RBM27: variants seen among roughly 807,000 people sequenced by gnomAD.
RBM27 encodes RNA-binding protein 27.
RBM27 carries 22 observed loss-of-function variants against 135.3 expected under a neutral mutation model. That is an observed-to-expected ratio of 0.16 (90% confidence interval 0.12 to 0.23). The LOEUF (loss-of-function observed/expected upper bound fraction) is 0.23, where lower values mean the gene tolerates loss of function less well. RBM27 is among the 10% of genes least tolerant of loss of function. The probability of loss-of-function intolerance (pLI) is 1.00; values close to 1 mark genes in which losing one functional copy is unlikely to be tolerated. For missense variants in RBM27, 1,009 were observed against 1,281.0 expected (o/e 0.79, Z 3.24); for synonymous variants, 481 against 442.4 (o/e 1.09, Z -1.10).
At chr5:146,249,853 G>A (rs898820498) in intron 8 of RBM27, among the ~76,000 whole-genome samples, 10 of 151,460 alleles carry the variant, frequency 6.6e-5, no homozygotes, top group East Asian at 1.9e-4. Flanking sequence ...GGTTTTTTAC[G>A]TAGGTAAATG....
chr5:146,283,610 G>A (rs1437333212), intron 19 of RBM27, among the ~76,000 whole-genome samples: 1 of 152,150 alleles, frequency 6.6e-6, no homozygotes, highest in Non-Finnish European at 1.5e-5. Flanking sequence ...TATGTCCCAT[G>A]AGTCATAATG....
At position 146,267,768 on chromosome 5, in the gene RBM27, G is replaced by C; in HGVS notation, c.2451G>C (p.Gln817His). Residue 817 changes from glutamine (Q) to histidine (H), a missense_variant and splice_region_variant, in exon 15 of 21, where the codon CAG becomes CAC. Transcript: ENST00000265271. Reference sequence around the variant, plus strand: ...TTCAAGAAGTGCTTAAAAAAAAACAGGTAACAGTCTTGATTCTTCTTGCCT... The same window carrying C: ...TTCAAGAAGTGCTTAAAAAAAAACACGTAACAGTCTTGATTCTTCTTGCCT... ...HDVQEVLKKK[Q>H]EAMKLQQDMR... 6.3e-7 allele frequency: 1 copy of C among 1,599,410 alleles called. No individual in the cohort carries two copies. The highest frequency in any genetic ancestry group is 8.5e-7 in the Non-Finnish European group (1 of 1,175,648).
At chr5:146,233,240 G>A (rs999367395) in intron 6 of RBM27, among the ~76,000 whole-genome samples, 1 of 152,132 alleles carries the variant, frequency 6.6e-6, no homozygotes, top group African/African-American at 2.4e-5. Context: ...TTCTCAACAA[G>A]TCATAGTATC....
chr5:146,246,750 A>G (rs1017631656), intron 8 of RBM27, among the ~76,000 whole-genome samples: 2 of 152,190 alleles, frequency 1.3e-5, no homozygotes, highest in East Asian at 3.8e-4. Flanking sequence ...ATAAAAGTAG[A>G]CTGTGTAATG....
At chr5:146,272,664 G>A (rs1758919593) in intron 19 of RBM27, among the ~76,000 whole-genome samples, 3 of 151,646 alleles carry the variant, frequency 2.0e-5, no homozygotes, top group Non-Finnish European at 4.4e-5. Context: ...AGAGGTTGCA[G>A]TGAGCTGAGA....
intron 1 of RBM27, among the ~76,000 whole-genome samples, chr5:146,210,127 G>A (rs937443055): frequency 6.6e-6 from 1 of 152,146 alleles, no homozygotes; most frequent in Non-Finnish European, 1.5e-5. Flanking sequence ...TGGGCGTGCA[G>A]GGCAAGGTCT....
At chr5:146,259,917 GAGCCGAGATTGCGCCACTGCAGTCCGC>G (rs1478052932) in intron 11 of RBM27, among the ~76,000 whole-genome samples, 1 of 144,022 alleles carries the variant, frequency 6.9e-6, no homozygotes, top group African/African-American at 2.6e-5. Context: ...AGCTTGCAGT[GAGCCGAGATTGCGCCACTGCAGTCCGC>G]AGTCCGGCCT....
chr5:146,235,396 A>G (rs1410624552), intron 7 of RBM27, among the ~76,000 whole-genome samples: 2 of 151,994 alleles, frequency 1.3e-5, no homozygotes, highest in African/African-American at 2.4e-5. Flanking sequence ...CCTTTACAAA[A>G]AATACAAAAA....
intron 9 of RBM27, 142 bp from the exon 10 acceptor site, chr5:146,254,799 TCA>T (rs1758038442): frequency 1.0e-5 from 7 of 689,954 alleles, no homozygotes; most frequent in Non-Finnish European, 2.3e-6. Flanking sequence ...AACCAGTCCC[TCA>T]CAGATACTGA....
intron 2 of RBM27, among the ~76,000 whole-genome samples, chr5:146,222,968 G>C (rs12187277): frequency 0.38 from 57,481 of 151,922 alleles, 11,422 homozygotes; most frequent in African/African-American, 0.48. Flanking sequence ...TTCCCACCTA[G>C]AGTACACAAT....
chr5:146,268,154 C>A (rs974983652), intron 15 of RBM27, among the ~76,000 whole-genome samples: 3 of 151,894 alleles, frequency 2.0e-5, no homozygotes, highest in Non-Finnish European at 4.4e-5. Flanking sequence ...TTTATATGTA[C>A]TATCTCAGTA....
chr5:146,268,664 C>G (rs1273320599), intron 15 of RBM27, among the ~76,000 whole-genome samples: 1 of 152,112 alleles, frequency 6.6e-6, no homozygotes, highest in East Asian at 1.9e-4. Context: ...CCCAGTGCAG[C>G]CTTGATGTCC....
chr5:146,262,677 C>A (rs903005043), intron 13 of RBM27, among the ~76,000 whole-genome samples: 1 of 152,160 alleles, frequency 6.6e-6, no homozygotes, highest in African/African-American at 2.4e-5. Flanking sequence ...TTGTATCCCA[C>A]TTCATGTAAG....
At chr5:146,236,495 A>G (rs1757165506) in intron 7 of RBM27, among the ~76,000 whole-genome samples, 1 of 152,200 alleles carries the variant, frequency 6.6e-6, no homozygotes, top group African/African-American at 2.4e-5. Context: ...CTCTTCTAGA[A>G]CAAGTAATGT....
At chr5:146,251,957 C>A in intron 9 of RBM27, 82 bp downstream of exon 9, 1 of 1,408,616 alleles carries the variant, frequency 7.1e-7, no homozygotes, top group South Asian at 1.2e-5. Flanking sequence ...ACCTGGCATC[C>A]TGATCTGCTG....
chr5:146,271,375 A>C (rs900655451), intron 18 of RBM27, 108 bp from the exon 19 acceptor site: 10 of 1,040,198 alleles, frequency 9.6e-6, no homozygotes, highest in African/African-American at 1.6e-5. Context: ...ACTCGAGCCT[A>C]GGCAACGAGA....
At chr5:146,282,525 T>C (rs1254326333) in intron 19 of RBM27, among the ~76,000 whole-genome samples, 1 of 152,246 alleles carries the variant, frequency 6.6e-6, no homozygotes, top group Non-Finnish European at 1.5e-5. Context: ...ACTGAGCATG[T>C]ACATTTTTTG....
chr5:146,219,042 C>G lies in RBM27; in HGVS notation c.117C>G (p.Asp39Glu). Reference sequence around the variant, plus strand: ...ATGTTGTAGCACTGGTCAAGAAGGACAAACCTGAGAAAGAATTAAAAGCCT... The same window carrying G: ...ATGTTGTAGCACTGGTCAAGAAGGAGAAACCTGAGAAAGAATTAAAAGCCT... Reference protein sequence around the residue: ...ANYVVALVKKDKPEKELKAFC... With the variant: ...ANYVVALVKKEKPEKELKAFC... The change falls in exon 2 of 21, where the codon GAC (aspartate) becomes GAG (glutamate). Residue 39 changes from aspartate to glutamate, a missense_variant. Transcript: ENST00000265271. 1.9e-6 allele frequency: 3 copies of G among 1,613,648 alleles called. No individual in the cohort carries two copies. The highest frequency in any genetic ancestry group is 2.5e-6 in the Non-Finnish European group (3 of 1,179,850).
At position 146,284,625 on chromosome 5, in the gene RBM27, G is replaced by T. The variant is rs368491992; in HGVS notation, c.2992G>T (p.Ala998Ser). ...GTTCTTCTAATATATATTTTAGACC[G>T]CAAACCAAGGGCCAAAATTTAAAGA... is the stretch of plus-strand genomic sequence containing the variant. Reference protein sequence around the residue: ...KEDLLQHFSTANQGPKFKDRR... With the variant: ...KEDLLQHFSTSNQGPKFKDRR... The change falls in exon 20 of 21, where the codon GCA (alanine) becomes TCA (serine). Residue 998 changes from alanine (A) to serine (S), a missense_variant. Physicochemically the swap from Ala to Ser is moderately conservative, Grantham distance 99. This residue lies in a region of RBM27 where 355 missense variants were observed against 427.3 expected (regional missense o/e 0.83). Transcript: ENST00000265271. The T allele has an allele frequency of 3.1e-6, 5 of 1,606,338 alleles. No homozygotes were observed. Among genetic ancestry groups the T allele is most frequent in the Non-Finnish European group, 4.3e-6 (5 of 1,174,472 alleles).
Sources: allele counts gnomAD v4.1 joint callset (sites outside exome capture counted in the v4.1 genomes callset), GRCh38; gene constraint gnomAD v4.1.1; regional missense constraint gnomAD v4.1.1; transcripts MANE v1.5; gene names NCBI Gene and HGNC (gene_info 2026-07-23, HGNC 2026-07-21).